SIGLEC1: variants seen among roughly 807,000 people sequenced by gnomAD.
SIGLEC1 encodes sialic acid binding Ig like lectin 1.
A neutral mutation model predicts 148.0 loss-of-function variants in SIGLEC1; 132 were observed. The observed-to-expected ratio is 0.89, with a 90% confidence interval of 0.77 to 1.03. SIGLEC1 has a LOEUF of 1.03. Ranked by LOEUF, SIGLEC1 falls within the 50% of genes least tolerant of loss-of-function variation. The probability of loss-of-function intolerance (pLI) is 0.00; values close to 1 mark genes in which losing one functional copy is unlikely to be tolerated. For missense variants in SIGLEC1, 2,253 were observed against 2,271.4 expected (o/e 0.99, Z 0.16); for synonymous variants, 945 against 969.0 (o/e 0.98, Z 0.46).
At chr20:3,691,270 G>A in intron 18 of SIGLEC1, 70 bp downstream of exon 18, 1 of 1,573,152 alleles carries the variant, frequency 6.4e-7, no homozygotes. Flanking sequence ...GCAGACAGAA[G>A]AGGAGGAAGA....
At position 3,697,970 on chromosome 20, in the gene SIGLEC1, C is replaced by G. The variant is rs1483227512; in HGVS notation, c.1950G>C (p.Gly650=). The G allele has an allele frequency of 3.1e-6, 5 of 1,611,864 alleles. No homozygotes were observed. The highest frequency in any genetic ancestry group is 1.7e-5 in the Admixed American group (1 of 59,868). ...AGCCCCCACAGGTGCTGCAGCCACC[C>G]CCTGATGGCAGGGAAGTGGCCACAA... ...DRVVATSLPS[G]GGCSTCGGCS... is the part of the protein sequence containing the mutation. The change falls in exon 9 of 22, where the codon GGG becomes GGC. Residue 650 remains glycine (G), a synonymous_variant. Transcript: ENST00000344754.
At chr20:3,695,194 C>T (rs1025930575) in intron 11 of SIGLEC1, among the ~76,000 whole-genome samples, 2 of 152,198 alleles carry the variant, frequency 1.3e-5, no homozygotes, top group African/African-American at 2.4e-5. Context: ...AAAGCGTAAG[C>T]CTTATGGGCA....
Position 3,703,458 on chromosome 20 carries a change from G to A in SIGLEC1, c.974-7C>T. 1 of 1,560,720 alleles carries A rather than the reference G, an allele frequency of 6.4e-7. No homozygotes were observed. The highest frequency in any genetic ancestry group is 8.7e-7 in the Non-Finnish European group (1 of 1,151,126). ...CTCACCTGGACCTCAGCCACTGCAA[G>A]GGCAGCATAGGGAGTGCTGGGGGGT... is the stretch of plus-strand genomic sequence containing the variant. On this transcript the variant is annotated splice_region_variant and splice_polypyrimidine_tract_variant and intron_variant, in intron 5 of 21. Transcript: ENST00000344754.
At position 3,691,542 on chromosome 20, in the gene SIGLEC1, G is replaced by A; in HGVS notation, c.4389C>T (p.Leu1463=). The change falls in exon 18 of 22, where the codon CTC becomes CTT. Residue 1463 remains leucine (L), a synonymous_variant. Coordinates refer to ENST00000344754, the MANE Select transcript of SIGLEC1 (RefSeq NM_023068.4). ...CAGGGCCACCCAGGAGGCGGCAGCT[G>A]AGGTTCAGGGCAGCGCCCTCAGGCA... ...LDVPEGAALN[L]SCRLLGGPGP... The A allele has an allele frequency of 1.2e-6, 2 of 1,613,188 alleles. No homozygotes were observed. The highest frequency in any genetic ancestry group is 1.7e-6 in the Non-Finnish European group (2 of 1,180,000).
rs747104225 is a variant in SIGLEC1 at position 3,704,038 on chromosome 20, G to T, written c.760C>A (p.Pro254Thr). 1.2e-6 allele frequency: 2 copies of T among 1,613,686 alleles called. No individual in the cohort carries two copies. The highest frequency in any genetic ancestry group is 3.3e-5 in the Admixed American group (2 of 59,966). The change falls in exon 5 of 22, where the codon CCA becomes ACA. Residue 254 changes from proline (P) to threonine (T), a missense_variant. Physicochemically the swap from Pro to Thr is conservative, Grantham distance 38. Coordinates refer to ENST00000344754, the MANE Select transcript of SIGLEC1 (RefSeq NM_023068.4). ...CAGGTGAGTGTGACCAGCTCACCTGGAAGGATGTTCCTCCCCGAGGGGCTG... is the reference window on the plus strand; with the variant it reads ...CAGGTGAGTGTGACCAGCTCACCTGTAAGGATGTTCCTCCCCGAGGGGCTG... ...LLSPSGRNIL[P>T]GELVTLTCQV...
chr20:3,711,629 C>T lies in SIGLEC1; in HGVS notation c.-110+841G>A, dbSNP rs1210337607. 2.0e-5 allele frequency among the ~76,000 whole-genome samples: 3 copies of T among 152,180 alleles called. No individual in the cohort carries two copies. In the East Asian group the frequency reaches 5.8e-4, roughly 29 times the overall value. Reference sequence around the variant, plus strand: ...GAGTCAGGGTACGGATGGGCAATTCCTGGAGCAGATTATGGTCAAAATAGT... The same window carrying T: ...GAGTCAGGGTACGGATGGGCAATTCTTGGAGCAGATTATGGTCAAAATAGT... On this transcript the variant is annotated intron_variant, in intron 1 of 21. Transcript: ENST00000344754.
At chr20:3,711,792 T>C (rs2087930299) in intron 1 of SIGLEC1, among the ~76,000 whole-genome samples, 1 of 152,180 alleles carries the variant, frequency 6.6e-6, no homozygotes, top group Non-Finnish European at 1.5e-5. Context: ...CTGGCTGGAG[T>C]GCTCACTCTC....
chr20:3,703,705 A>G, intron 5 of SIGLEC1, 120 bp downstream of exon 5: 8 of 1,352,530 alleles, frequency 5.9e-6, no homozygotes, highest in Non-Finnish European at 8.0e-6. Flanking sequence ...CCACACCTGC[A>G]TCCAGGAAGC....
Position 3,689,584 on chromosome 20 carries a change from C to A in SIGLEC1, c.4997+16G>T. On this transcript the variant is annotated intron_variant, in intron 20 of 21. Transcript: ENST00000344754. ...CTTACCCCAATCTTCTGGCCCACTCCCAGCTCCAGACCCACCTCCAGGTGT... is the reference window on the plus strand; with the variant it reads ...CTTACCCCAATCTTCTGGCCCACTCACAGCTCCAGACCCACCTCCAGGTGT... 1.9e-6 allele frequency: 3 copies of A among 1,545,920 alleles called. No homozygotes were observed. Among genetic ancestry groups the A allele is most frequent in the Non-Finnish European group, 1.8e-6 (2 of 1,140,004 alleles).
chr20:3,697,115 GCTGGGCACCAGC>G lies in SIGLEC1; in HGVS notation c.2338_2349del (p.Ala780_Gln783del). 1 of 1,612,978 alleles carries G rather than the reference GCTGGGCACCAGC, an allele frequency of 6.2e-7. No individual in the cohort carries two copies. The highest frequency in any genetic ancestry group is 8.5e-7 in the Non-Finnish European group (1 of 1,180,022). ...ACACTCAGGAGCACGGGAGTGGAGA[GCTGGGCACCAGC>G]CTCAGTCAGGATGCGGCAGGCGTAA... is the stretch of plus-strand genomic sequence containing the variant. On this transcript the variant is annotated inframe_deletion, in exon 10 of 22. Coordinates refer to ENST00000344754, the MANE Select transcript of SIGLEC1 (RefSeq NM_023068.4).
In SIGLEC1 at chr20:3,694,817, C is replaced by G; in HGVS notation, c.2790G>C (p.Trp930Cys). ...TGVPEGTSYR[W>C]YRDGQPLQES... ...CCTGGAGGGGCTGGCCATCCCGATACCAACGATATGAGGTCCCCTCTGGGA... is the reference window on the plus strand; with the variant it reads ...CCTGGAGGGGCTGGCCATCCCGATAGCAACGATATGAGGTCCCCTCTGGGA... The change falls in exon 12 of 22, where the codon TGG (tryptophan) becomes TGC (cysteine). Residue 930 changes from tryptophan to cysteine, a missense_variant. Physicochemically the swap from Trp to Cys is radical, Grantham distance 215. Transcript: ENST00000344754. 1.2e-6 allele frequency: 2 copies of G among 1,613,554 alleles called. No homozygotes were observed. Among genetic ancestry groups the G allele is most frequent in the Non-Finnish European group, 1.7e-6 (2 of 1,179,988 alleles).
intron 6 of SIGLEC1, among the ~76,000 whole-genome samples, chr20:3,702,540 A>T (rs1441489516): frequency 6.6e-6 from 1 of 151,998 alleles, no homozygotes; most frequent in Non-Finnish European, 1.5e-5. Flanking sequence ...GTGAGCCAAG[A>T]TAGCACCATT....
intron 1 of SIGLEC1, among the ~76,000 whole-genome samples, chr20:3,711,409 A>C (rs2087928052): frequency 6.6e-6 from 1 of 152,034 alleles, no homozygotes; most frequent in Admixed American, 6.5e-5. Context: ...CAAGTCCCTG[A>C]CCTCTGATTC....
chr20:3,698,012 C>T lies in SIGLEC1; in HGVS notation c.1908G>A (p.Leu636=), dbSNP rs142998863. 1 of 1,609,654 alleles carries T rather than the reference C, an allele frequency of 6.2e-7. No individual in the cohort carries two copies. Among genetic ancestry groups the T allele is most frequent in the African/African-American group, 1.3e-5 (1 of 74,798 alleles). The part of the protein sequence containing the change: ...VDSDPPARLQ[L]LHKDRVVATS... ...TGGCCACAACACGGTCCTTGTGGAG[C>T]AGCTGCAGCCTGGCGGGGGGGTCGC... is the stretch of plus-strand genomic sequence containing the variant. Residue 636 remains leucine (L), a synonymous_variant, in exon 9 of 22, where the codon CTG becomes CTA. Coordinates refer to ENST00000344754, the MANE Select transcript of SIGLEC1 (RefSeq NM_023068.4).
rs2087852639 is a variant in SIGLEC1, at chr20:3,701,619, C to A, written c.1251G>T (p.Leu417=). The change falls in exon 7 of 22, where the codon CTG becomes CTT. Residue 417 remains leucine, a synonymous_variant. Transcript: ENST00000344754. ...VVNHPPLTPV[L]TAFLETQAGL... ...CCGCCTGGGTCTCCAGGAAGGCTGT[C>A]AGGACTGGAGTGAGAGGCGGGTCTG... 6.3e-7 allele frequency: 1 copy of A among 1,579,358 alleles called. No individual in the cohort carries two copies. Among genetic ancestry groups the A allele is most frequent in the Non-Finnish European group, 8.6e-7 (1 of 1,158,004 alleles).
At chr20:3,696,495 G>C (rs2088823384) in intron 11 of SIGLEC1, 91 bp downstream of exon 11, 1 of 1,302,448 alleles carries the variant, frequency 7.7e-7, no homozygotes, top group Non-Finnish European at 1.0e-6. Flanking sequence ...ACATATTTCT[G>C]CACAAAATTC....
chr20:3,706,011 G>A lies in SIGLEC1; in HGVS notation c.439C>T (p.Pro147Ser). 1 of 1,613,546 alleles carries A rather than the reference G, an allele frequency of 6.2e-7. No individual in the cohort carries two copies. Among genetic ancestry groups the A allele is most frequent in the Admixed American group, 1.7e-5 (1 of 60,024 alleles). ...TCTGTGCCCTCGAGAAGCTCCACCG[G>A]GGAGGCAATGGTGGGCACCCTGGGC... ...EEPRVPTIAS[P>S]VELLEGTEVD... Residue 147 changes from proline to serine, a missense_variant, in exon 4 of 22, where the codon CCG becomes TCG. Transcript: ENST00000344754.
In SIGLEC1 at chr20:3,694,522, G is replaced by T; in HGVS notation, c.2955C>A (p.Arg985=). 6.4e-7 allele frequency: 1 copy of T among 1,560,040 alleles called. No homozygotes were observed. The highest frequency in any genetic ancestry group is 8.7e-7 in the Non-Finnish European group (1 of 1,150,140). The part of the protein sequence containing the change: ...PISLHVSYAP[R]HVTLTTLMDT... ...CCATCAGGGTAGTGAGTGTGACGTG[G>T]CGTGGGGCATCTACACAGGGTGGGG... Residue 985 remains arginine, a synonymous_variant, in exon 13 of 22, where the codon CGC becomes CGA. Transcript: ENST00000344754.
chr20:3,692,835 G>A (rs750648570), intron 15 of SIGLEC1, 27 bp downstream of exon 15: 1 of 1,601,698 alleles, frequency 6.2e-7, no homozygotes, highest in East Asian at 2.2e-5. Flanking sequence ...TTCCATCCCA[G>A]TGGGCTTGGC....
Sources: gnomAD v4.1 joint callset for allele counts (sites outside exome capture counted in the v4.1 genomes callset) on GRCh38, gnomAD v4.1.1 for gene constraint, MANE v1.5 for transcripts, NCBI Gene and HGNC (gene_info 2026-07-23, HGNC 2026-07-21) for gene names.